Variants in EXT1 observed in about 807,000 individuals in gnomAD.
EXT1 encodes exostosin glycosyltransferase 1, also known as exostosin-1.
In EXT1, 20 loss-of-function variants were observed where a neutral mutation model predicts 82.5. The ratio of observed to expected loss-of-function variants is 0.24; its 90% CI spans 0.17 to 0.35. EXT1 has a LOEUF of 0.35. Among genes scored for constraint, EXT1 ranks in the 10% least tolerant of loss-of-function variants. The probability of loss-of-function intolerance (pLI) is 1.00; values close to 1 mark genes in which losing one functional copy is unlikely to be tolerated. For missense variants in EXT1, 757 were observed against 936.5 expected (o/e 0.81, Z 2.50); for synonymous variants, 348 against 350.8 (o/e 0.99, Z 0.09).
rs180865127 is a variant in EXT1, at chr8:117,968,639, G to A, written c.963-131438C>T. ...GGCTGGAGTGCAGTGGCTTGATCTC[G>A]GCTCACTGCAAGCTCCACCTCCCGG... On this transcript the variant is annotated intron_variant, in intron 1 of 10. Coordinates refer to ENST00000378204, the MANE Select transcript of EXT1 (RefSeq NM_000127.3). 3.9e-5 allele frequency among the ~76,000 whole-genome samples: 3 copies of A among 77,100 alleles called. 1 individual carries two copies. Among genetic ancestry groups the A allele is most frequent in the East Asian group, 3.0e-4 (1 of 3,366 alleles). 50.6% of individuals were successfully genotyped at this position (77,100 alleles called of 152,430 possible).
At chr8:118,016,396 A>C (rs951949929) in intron 1 of EXT1, among the ~76,000 whole-genome samples, 8 of 152,224 alleles carry the variant, frequency 5.3e-5, no homozygotes, top group Admixed American at 4.6e-4. Flanking sequence ...CTGTCTCAAA[A>C]ATAAATAAAT....
At chr8:117,999,010 A>G (rs1347456082) in intron 1 of EXT1, among the ~76,000 whole-genome samples, 1 of 152,224 alleles carries the variant, frequency 6.6e-6, no homozygotes, top group African/African-American at 2.4e-5. Flanking sequence ...CCCGTGATCA[A>G]TGTTAATTTA....
At position 117,882,955 on chromosome 8, in the gene EXT1, C is replaced by T. The variant is rs568722452; in HGVS notation, c.963-45754G>A. On this transcript the variant is annotated intron_variant, in intron 1 of 10. Transcript: ENST00000378204. ...TCATGCCACTGCACTCCGGCCTGGG[C>T]GACAAAATGAGACTCTGTCTCAAAG... Among the ~76,000 whole-genome samples the T allele has an allele frequency of 6.6e-5, 9 of 136,360 alleles. No homozygotes were observed. In the South Asian group the frequency reaches 6.8e-4, roughly 10 times the overall value. The allele number at this position is 136,360 out of a possible 152,430, so 89.5% of individuals were successfully genotyped here. A position where few individuals can be genotyped will look rare whatever the true frequency, so the allele number is the denominator to read the frequency against.
At chr8:118,035,684 T>A (rs1232219987) in intron 1 of EXT1, among the ~76,000 whole-genome samples, 1 of 152,098 alleles carries the variant, frequency 6.6e-6, no homozygotes, top group African/African-American at 2.4e-5. Context: ...TTTAAAAACA[T>A]AGCCTCTTCG....
intron 1 of EXT1, among the ~76,000 whole-genome samples, chr8:117,933,626 G>GT (rs1416156068): frequency 6.6e-6 from 1 of 152,146 alleles, no homozygotes; most frequent in Non-Finnish European, 1.5e-5. Flanking sequence ...TATAAGCACC[G>GT]TGAGTACTGG....
At chr8:118,069,916 A>G (rs908779807) in intron 1 of EXT1, among the ~76,000 whole-genome samples, 5 of 152,116 alleles carry the variant, frequency 3.3e-5, no homozygotes, top group Non-Finnish European at 7.4e-5. Flanking sequence ...ACATATGTAA[A>G]AGGTTTTCTA....
intron 1 of EXT1, among the ~76,000 whole-genome samples, chr8:117,986,686 C>T (rs1815328288): frequency 1.3e-5 from 2 of 152,098 alleles, no homozygotes; most frequent in Admixed American, 1.3e-4. Flanking sequence ...TGGTGCTAGG[C>T]TCATTTTTTA....
At chr8:117,966,171 C>T (rs1390876231) in intron 1 of EXT1, among the ~76,000 whole-genome samples, 2 of 152,186 alleles carry the variant, frequency 1.3e-5, no homozygotes, top group Non-Finnish European at 2.9e-5. Context: ...AAAGGACCAC[C>T]ATCACAGTTG....
At chr8:117,922,007 T>C (rs1813866058) in intron 1 of EXT1, among the ~76,000 whole-genome samples, 1 of 151,862 alleles carries the variant, frequency 6.6e-6, no homozygotes, top group African/African-American at 2.4e-5. Flanking sequence ...TTACAAAAAT[T>C]ACAGCTTTAA....
chr8:117,954,702 C>T (rs904306810), intron 1 of EXT1, among the ~76,000 whole-genome samples: 9 of 152,140 alleles, frequency 5.9e-5, no homozygotes, highest in Non-Finnish European at 1.3e-4. Flanking sequence ...AAAACAAATG[C>T]CCTACCAAGA....
rs188062074 is a variant in EXT1, at chr8:117,896,642, C to T, written c.963-59441G>A. Among the ~76,000 whole-genome samples, 15 of 152,278 alleles carry T rather than the reference C, an allele frequency of 9.9e-5. No individual in the cohort carries two copies. The East Asian group carries it at 2.7e-3, about 27-fold the overall frequency. ...GCTTCCCCAGGAACCCTCCTCTCTA[C>T]CCTCCCCACCTGCTGCCCCTTCACA... is the stretch of plus-strand genomic sequence containing the variant. On this transcript the variant is annotated intron_variant, in intron 1 of 10. Coordinates refer to ENST00000378204, the MANE Select transcript of EXT1 (RefSeq NM_000127.3).
chr8:118,088,774 G>T (rs1817473026), intron 1 of EXT1, among the ~76,000 whole-genome samples: 1 of 151,388 alleles, frequency 6.6e-6, no homozygotes, highest in African/African-American at 2.4e-5. Flanking sequence ...CCTAGACTTA[G>T]ATATTATCTG....
chr8:117,823,506 T>TAA (rs11323046), intron 4 of EXT1, among the ~76,000 whole-genome samples: 1 of 142,716 alleles, frequency 7.0e-6, no homozygotes, highest in African/African-American at 2.6e-5. Flanking sequence ...TTTTTTACAT[T>TAA]AAAAAAAAAA....
chr8:118,069,001 TC>T (rs1460535062), intron 1 of EXT1, among the ~76,000 whole-genome samples: 2 of 152,176 alleles, frequency 1.3e-5, no homozygotes, highest in African/African-American at 4.8e-5. Flanking sequence ...GAGAGGCCTT[TC>T]CCCTGGAGTA....
At chr8:117,947,920 C>T (rs992875909) in intron 1 of EXT1, among the ~76,000 whole-genome samples, 1 of 152,172 alleles carries the variant, frequency 6.6e-6, no homozygotes, top group East Asian at 1.9e-4. Context: ...TTCATCCCTT[C>T]GTGGGCCTCT....
chr8:117,966,967 T>C (rs1275956233), intron 1 of EXT1, among the ~76,000 whole-genome samples: 1 of 152,216 alleles, frequency 6.6e-6, no homozygotes, highest in African/African-American at 2.4e-5. Flanking sequence ...CCATGCACTA[T>C]ATTTTGATGT....
chr8:118,036,670 T>A (rs1257040889), intron 1 of EXT1, among the ~76,000 whole-genome samples: 1 of 152,120 alleles, frequency 6.6e-6, no homozygotes, highest in East Asian at 1.9e-4. Context: ...AGACAAAAAA[T>A]GTACACATTT....
chr8:118,034,905 C>A (rs1816391083), intron 1 of EXT1, among the ~76,000 whole-genome samples: 1 of 152,074 alleles, frequency 6.6e-6, no homozygotes, highest in South Asian at 2.1e-4. Flanking sequence ...CAGTTACCAC[C>A]AGAAAAGCAG....
At chr8:117,967,897 T>A (rs1007918686) in intron 1 of EXT1, among the ~76,000 whole-genome samples, 1 of 152,204 alleles carries the variant, frequency 6.6e-6, no homozygotes, top group African/African-American at 2.4e-5. Flanking sequence ...AAAGATCTGA[T>A]GTACATGAGG....
Sources: gnomAD v4.1 joint callset for allele counts (sites outside exome capture counted in the v4.1 genomes callset) on GRCh38, gnomAD v4.1.1 for gene constraint, MANE v1.5 for transcripts, NCBI Gene and HGNC (gene_info 2026-07-23, HGNC 2026-07-21) for gene names.